ACYP2: variants seen among roughly 807,000 people sequenced by gnomAD.
The protein encoded by ACYP2 is acylphosphatase 2.
ACYP2 carries 12 observed loss-of-function variants against 11.2 expected under a neutral mutation model. That is an observed-to-expected ratio of 1.08 (90% CI 0.69 to 1.74). The LOEUF is 1.74. Among genes scored for constraint, ACYP2 ranks in the 40% most tolerant of loss-of-function variants. The pLI is 0.00. For missense variants in ACYP2, 134 were observed against 101.9 expected (o/e 1.31, Z -1.35); for synonymous variants, 43 against 32.2 (o/e 1.33, Z -1.13).
At chr2:54,158,911 T>G (rs1218453044) in intron 6 of ACYP2, among the ~76,000 whole-genome samples, 1 of 152,210 alleles carries the variant, frequency 6.6e-6, no homozygotes, top group East Asian at 1.9e-4. Context: ...AATATTTTGA[T>G]GCATAATGCA....
At chr2:54,029,454 TAC>T in intron 2 of ACYP2, 2 of 295,576 alleles carry the variant, frequency 6.8e-6, no homozygotes, top group Non-Finnish European at 1.3e-5. Context: ...TATGTATATG[TAC>T]ACACACATAT....
chr2:54,049,121 C>T (rs1675689523), intron 2 of ACYP2, among the ~76,000 whole-genome samples: 2 of 152,140 alleles, frequency 1.3e-5, no homozygotes, highest in South Asian at 4.2e-4. Flanking sequence ...ATTAACCAGG[C>T]GTGGTGGTGC....
rs1558605172 is a variant in ACYP2, at chr2:54,197,922, ATTTTATTTATGTATGTATTATATTGTAT to A, written c.404+59176_404+59203del. On this transcript the variant is annotated intron_variant, in intron 6 of 6. Transcript: ENST00000607452. ...TTATTTTATTTTATTTTATTATTTT[ATTTTATTTATGTATGTATTATATTGTAT>A]TGTATTGTATTGTATTGTATTGTAT... Among the ~76,000 whole-genome samples, 953 of 135,976 alleles carry A rather than the reference ATTTTATTTATGTATGTATTATATTGTAT, an allele frequency of 7.0e-3. 22 individuals carry two copies. The highest frequency in any genetic ancestry group is 0.02 in the South Asian group (74 of 3,618). The allele number at this position is 135,976 out of a possible 152,430, so 89.2% of individuals were successfully genotyped here. A position where few individuals can be genotyped will look rare whatever the true frequency, so the allele number is the denominator to read the frequency against.
At chr2:54,091,922 C>CTGGAGAAAGAAAGTGTT (rs1323486264) in intron 4 of ACYP2, among the ~76,000 whole-genome samples, 2 of 152,046 alleles carry the variant, frequency 1.3e-5, no homozygotes, top group African/African-American at 2.4e-5. Context: ...ACGAGCAAGA[C>CTGGAGAAAGAAAGTGTT]TGGAGAAAGA....
rs559443678 is a variant in ACYP2, at chr2:53,979,570, T to C, written c.62+5760T>C. 2.7e-4 allele frequency among the ~76,000 whole-genome samples: 41 copies of C among 151,412 alleles called. No individual in the cohort carries two copies. The South Asian group carries it at 4.4e-3, about 16-fold the overall frequency. On this transcript the variant is annotated intron_variant, in intron 2 of 6. Transcript: ENST00000607452. ...TGAACTCGGGAGGTGGAGGTTGCAG[T>C]GAGCCGAGATTGTGCCACTGCACTC... is the stretch of plus-strand genomic sequence containing the variant.
At chr2:54,235,385 G>C (rs1686429308) in intron 6 of ACYP2, among the ~76,000 whole-genome samples, 1 of 151,958 alleles carries the variant, frequency 6.6e-6, no homozygotes, top group South Asian at 2.1e-4. Flanking sequence ...GTCTCGCTCT[G>C]TCACCCAGGC....
chr2:54,256,182 A>G, intron 6 of ACYP2: 1 of 1,580,998 alleles, frequency 6.3e-7, no homozygotes, highest in Non-Finnish European at 8.6e-7. Context: ...CAGTGGGTAG[A>G]GGCCAGGCCA....
At chr2:54,010,484 C>CAA (rs11301218) in intron 2 of ACYP2, among the ~76,000 whole-genome samples, 1 of 143,658 alleles carries the variant, frequency 7.0e-6, no homozygotes. Flanking sequence ...AACTCTGTCT[C>CAA]AAAAAAAAAA....
chr2:54,277,927 C>T (rs560726167), intron 6 of ACYP2, among the ~76,000 whole-genome samples: 105 of 152,186 alleles, frequency 6.9e-4, no homozygotes, highest in South Asian at 1.9e-3. Context: ...AAAGAGAATG[C>T]GATAAATCCC....
chr2:54,020,101 T>A (rs781192143), intron 2 of ACYP2, among the ~76,000 whole-genome samples: 3 of 152,078 alleles, frequency 2.0e-5, no homozygotes, highest in Non-Finnish European at 4.4e-5. Flanking sequence ...CATGCCTGGC[T>A]AATTTTTGTA....
At chr2:54,247,532 T>C (rs1346981732) in intron 6 of ACYP2, among the ~76,000 whole-genome samples, 1 of 152,230 alleles carries the variant, frequency 6.6e-6, no homozygotes, top group African/African-American at 2.4e-5. Context: ...GTATCTTATA[T>C]TCATTTGTAG....
intron 2 of ACYP2, among the ~76,000 whole-genome samples, chr2:54,046,504 G>T (rs1051334372): frequency 5.2e-4 from 78 of 150,204 alleles, no homozygotes; most frequent in Middle Eastern, 3.5e-3. Context: ...AAAAAAAAAG[G>T]TTGCTTGAGA....
At chr2:54,267,280 C>T in intron 6 of ACYP2, 3 of 1,546,850 alleles carry the variant, frequency 1.9e-6, no homozygotes, top group Non-Finnish European at 2.6e-6. Context: ...TTCAGAATTT[C>T]CATTTGACTT....
chr2:54,096,399 G>A (rs1678583274), intron 4 of ACYP2, among the ~76,000 whole-genome samples: 1 of 151,796 alleles, frequency 6.6e-6, no homozygotes, highest in Admixed American at 6.6e-5. Context: ...TGGATGGCCA[G>A]GCAGAGATGC....
At chr2:54,070,829 C>T (rs369492090) in intron 4 of ACYP2, among the ~76,000 whole-genome samples, 10 of 151,916 alleles carry the variant, frequency 6.6e-5, no homozygotes, top group African/African-American at 2.4e-4. Context: ...CTCCAACACC[C>T]AGGCTCAAGT....
chr2:54,219,821 G>GTGTA (rs1553394627), intron 6 of ACYP2, among the ~76,000 whole-genome samples: 52 of 142,534 alleles, frequency 3.6e-4, no homozygotes, highest in African/African-American at 1.4e-3. Context: ...TTGTGTATGT[G>GTGTA]TGTGTGTATA....
At chr2:54,020,384 A>T (rs1489484414) in intron 2 of ACYP2, among the ~76,000 whole-genome samples, 1 of 152,228 alleles carries the variant, frequency 6.6e-6, no homozygotes, top group East Asian at 1.9e-4. Flanking sequence ...CCTAAACAAG[A>T]TTTTAAAATG....
At chr2:54,271,674 T>C (rs1003760463) in intron 6 of ACYP2, among the ~76,000 whole-genome samples, 4 of 152,118 alleles carry the variant, frequency 2.6e-5, no homozygotes, top group East Asian at 1.9e-4. Flanking sequence ...CTTGCATTAA[T>C]TAAACTCTTT....
chr2:54,218,808 T>C (rs1397222259), intron 6 of ACYP2, among the ~76,000 whole-genome samples: 1 of 152,214 alleles, frequency 6.6e-6, no homozygotes, highest in Non-Finnish European at 1.5e-5. Flanking sequence ...ATGTTGTTTC[T>C]GTCCCTTTCT....
Sources: allele counts gnomAD v4.1 joint callset (sites outside exome capture counted in the v4.1 genomes callset), GRCh38; gene constraint gnomAD v4.1.1; transcripts MANE v1.5; gene names NCBI Gene and HGNC (gene_info 2026-07-23, HGNC 2026-07-21).